PGAP1: variants seen among roughly 807,000 people sequenced by gnomAD.
PGAP1 encodes GPI inositol-deacylase.
PGAP1 carries 76 observed loss-of-function variants against 127.0 expected under a neutral mutation model. The observed-to-expected ratio is 0.60, with a 90% CI of 0.50 to 0.72. The LOEUF (loss-of-function observed/expected upper bound fraction) is 0.72, where lower values mean the gene tolerates loss of function less well. Among genes scored for constraint, PGAP1 ranks in the 30% least tolerant of loss-of-function variants. PGAP1 has a pLI of 0.00. For missense variants in PGAP1, 982 were observed against 1,071.3 expected (o/e 0.92, Z 1.16); for synonymous variants, 362 against 366.5 (o/e 0.99, Z 0.14).
chr2:196,885,567 CT>C (rs1275878871), intron 11 of PGAP1, 92 bp from the exon 12 acceptor site: 1 of 935,328 alleles, frequency 1.1e-6, no homozygotes, highest in Non-Finnish European at 1.7e-6. Flanking sequence ...GAAACCATCT[CT>C]ACACCTAGTA....
intron 12 of PGAP1, among the ~76,000 whole-genome samples, chr2:196,880,471 T>C (rs1327811796): frequency 1.3e-5 from 2 of 152,182 alleles, no homozygotes; most frequent in Non-Finnish European, 2.9e-5. Context: ...TCTTTCTTTT[T>C]ATAATTTGGT....
intron 18 of PGAP1, among the ~76,000 whole-genome samples, chr2:196,872,094 T>C (rs1460560201): frequency 6.6e-6 from 1 of 152,210 alleles, no homozygotes; most frequent in African/African-American, 2.4e-5. Flanking sequence ...TTAAGTATCA[T>C]GTCAGTTACT....
At chr2:196,923,193 T>C (rs1046042793) in intron 1 of PGAP1, among the ~76,000 whole-genome samples, 3 of 152,164 alleles carry the variant, frequency 2.0e-5, no homozygotes, top group Non-Finnish European at 2.9e-5. Flanking sequence ...CAAGCAAATA[T>C]GTTTATCGAT....
intron 12 of PGAP1, among the ~76,000 whole-genome samples, chr2:196,881,814 TTGTC>T (rs1445136838): frequency 6.6e-6 from 1 of 152,222 alleles, no homozygotes; most frequent in Non-Finnish European, 1.5e-5. Context: ...ATTCTGTAGG[TTGTC>T]TGTTCACTCT....
chr2:196,859,904 T>A (rs550912086), intron 20 of PGAP1, among the ~76,000 whole-genome samples: 1 of 151,966 alleles, frequency 6.6e-6, no homozygotes, highest in Admixed American at 6.6e-5. Context: ...GCTAACATTA[T>A]ACAAAATGGG....
intron 19 of PGAP1, among the ~76,000 whole-genome samples, chr2:196,867,129 C>A (rs922616728): frequency 6.6e-6 from 1 of 152,148 alleles, no homozygotes; most frequent in Non-Finnish European, 1.5e-5. Flanking sequence ...AATCCCATTA[C>A]TGAGTATATA....
intron 3 of PGAP1, 69 bp from the exon 4 acceptor site, chr2:196,913,122 C>T: frequency 7.3e-7 from 1 of 1,376,816 alleles, no homozygotes; most frequent in Non-Finnish European, 9.9e-7. Context: ...ATATTTCTCT[C>T]TGCATATGAC....
chr2:196,892,353 G>T lies in PGAP1; in HGVS notation c.1082C>A (p.Ala361Asp). ...LVKVSKWTYV[A>D]YNESEKIYFT... Reference sequence around the variant, plus strand: ...CATTGGTGGAATACTTACGTTGTAAGCTACATAGGTCCATTTGGACACTTT... The same window carrying T: ...CATTGGTGGAATACTTACGTTGTAATCTACATAGGTCCATTTGGACACTTT... Residue 361 changes from alanine to aspartate, a missense_variant, in exon 9 of 27, where the codon GCT (alanine) becomes GAT (aspartate). Transcript: ENST00000354764. 1 of 1,442,418 alleles carries T rather than the reference G, an allele frequency of 6.9e-7. No individual in the cohort carries two copies. Among genetic ancestry groups the T allele is most frequent in the Non-Finnish European group, 9.5e-7 (1 of 1,051,700 alleles). 89.4% of individuals were successfully genotyped at this position (1,442,418 alleles called of 1,614,324 possible). A position where few individuals can be genotyped will look rare whatever the true frequency, so the allele number is the denominator to read the frequency against.
At chr2:196,841,461 T>G (rs1700410690) in intron 26 of PGAP1, 89 bp from the exon 27 acceptor site, 1 of 930,352 alleles carries the variant, frequency 1.1e-6, no homozygotes, top group East Asian at 2.8e-5. Flanking sequence ...TTTGGAAAGA[T>G]AAATATTCTA....
intron 7 of PGAP1, among the ~76,000 whole-genome samples, chr2:196,895,438 T>C (rs968935385): frequency 6.6e-6 from 1 of 152,226 alleles, no homozygotes; most frequent in African/African-American, 2.4e-5. Context: ...TATTATTGTA[T>C]GTAGTTGTAC....
intron 4 of PGAP1, among the ~76,000 whole-genome samples, chr2:196,905,647 C>A (rs969985999): frequency 2.0e-4 from 30 of 151,826 alleles, no homozygotes; most frequent in Non-Finnish European, 1.0e-4. Context: ...CCAGCGTGAG[C>A]GACGCAGAAG....
intron 11 of PGAP1, 110 bp downstream of exon 11, chr2:196,885,724 A>ATATTG: frequency 1.4e-6 from 1 of 727,994 alleles, no homozygotes; most frequent in Non-Finnish European, 2.0e-6. Flanking sequence ...CAATATTATA[A>ATATTG]TTTCATATAG....
chr2:196,855,631 G>A (rs150186141), intron 20 of PGAP1, among the ~76,000 whole-genome samples: 1,540 of 152,196 alleles, frequency 0.01, 23 homozygotes, highest in African/African-American at 0.035. Context: ...CAGATTTAAG[G>A]AAAATTTATC....
At position 196,916,379 on chromosome 2, in the gene PGAP1, T is replaced by C. The variant is rs141631523; in HGVS notation, c.477+39A>G. 96 of 1,488,752 alleles carry C rather than the reference T, an allele frequency of 6.4e-5. No homozygotes were observed. In the Middle Eastern group the frequency reaches 7.1e-4, roughly 11 times the overall value. The allele number at this position is 1,488,752 out of a possible 1,614,324, so 92.2% of individuals were successfully genotyped here. A position where few individuals can be genotyped will look rare whatever the true frequency, so the allele number is the denominator to read the frequency against. On this transcript the variant is annotated intron_variant, in intron 3 of 26. Coordinates refer to ENST00000354764, the MANE Select transcript of PGAP1 (RefSeq NM_024989.4). ...AATCCCTTTTTTAAAAAGGTGCCGATAGGTTGCACCACTATTGATTTGCAT... is the reference window on the plus strand; with the variant it reads ...AATCCCTTTTTTAAAAAGGTGCCGACAGGTTGCACCACTATTGATTTGCAT...
At chr2:196,858,350 T>C (rs111941361) in intron 20 of PGAP1, among the ~76,000 whole-genome samples, 16,936 of 151,248 alleles carry the variant, frequency 0.11, 1,201 homozygotes, top group African/African-American at 0.21. Context: ...TGCAGTTAGC[T>C]GAGATCGTAC....
intron 14 of PGAP1, among the ~76,000 whole-genome samples, chr2:196,875,535 C>T (rs904166611): frequency 2.6e-5 from 4 of 152,180 alleles, no homozygotes; most frequent in Admixed American, 2.6e-4. Flanking sequence ...TACACACACG[C>T]AATTACCTGC....
At chr2:196,854,525 A>G (rs1700817091) in intron 20 of PGAP1, among the ~76,000 whole-genome samples, 3 of 152,240 alleles carry the variant, frequency 2.0e-5, no homozygotes, top group Admixed American at 2.0e-4. Flanking sequence ...TAAAAATTAC[A>G]TAAAATTGAT....
chr2:196,893,280 G>A (rs778964961), intron 7 of PGAP1, 35 bp from the exon 8 acceptor site: 96 of 1,142,818 alleles, frequency 8.4e-5, no homozygotes, highest in Non-Finnish European at 4.2e-5. Flanking sequence ...GTATCATTTT[G>A]TATCTATTGT....
In PGAP1 at chr2:196,842,635, A is replaced by G. The variant is rs1242409968; in HGVS notation, c.2630+86T>C. 3 of 523,068 alleles carry G rather than the reference A, an allele frequency of 5.7e-6. No individual in the cohort carries two copies. In the African/African-American group the frequency reaches 6.0e-5, roughly 10 times the overall value. The allele number at this position is 523,068 out of a possible 1,614,324, so 32.4% of individuals were successfully genotyped here. A position where few individuals can be genotyped will look rare whatever the true frequency, so the allele number is the denominator to read the frequency against. ...TTTACTTTTAGGAATATTTAAATTA[A>G]TTAGAAATAAAGAGTATATTTTAGA... On this transcript the variant is annotated intron_variant, in intron 26 of 26. Coordinates refer to ENST00000354764, the MANE Select transcript of PGAP1 (RefSeq NM_024989.4).
Sources: gnomAD v4.1 joint callset for allele counts (sites outside exome capture counted in the v4.1 genomes callset) on GRCh38, gnomAD v4.1.1 for gene constraint, MANE v1.5 for transcripts, NCBI Gene and HGNC (gene_info 2026-07-23, HGNC 2026-07-21) for gene names.